Variants in RIPOR3 observed in about 807,000 individuals in gnomAD.
RIPOR3 encodes family with sequence similarity 65 member C.
Under a neutral mutation model 114.3 loss-of-function variants are expected in RIPOR3, and 95 were observed. The observed-to-expected ratio is 0.83, with a 90% CI of 0.70 to 0.99. RIPOR3 has a LOEUF of 0.99. Among genes scored for constraint, RIPOR3 ranks in the 50% least tolerant of loss-of-function variants. RIPOR3 has a pLI of 0.00. For missense variants in RIPOR3, 1,252 were observed against 1,266.9 expected, an observed-to-expected ratio of 0.99 and a Z score of 0.18; for synonymous variants, 575 against 543.8, an observed-to-expected ratio of 1.06 and a Z score of -0.80.
Position 50,604,767 on chromosome 20 carries a change from C to T in RIPOR3, c.964G>A (p.Asp322Asn). ...GGTGACACCAGGAAGCTCTCAGTAT[C>T]AAACGGGCTGGAGGAGAGAACAGAA... ...LQLEVQWNPF[D>N]TESFLVSPSP... The change falls in exon 12 of 22, where the codon GAT becomes AAT. Residue 322 changes from aspartate to asparagine, a missense_variant. Coordinates refer to ENST00000327979, the MANE Select transcript of RIPOR3 (RefSeq NM_001290268.2). 10 of 1,608,252 alleles carry T rather than the reference C, an allele frequency of 6.2e-6. No individual in the cohort carries two copies. Among genetic ancestry groups the T allele is most frequent in the Non-Finnish European group, 8.5e-6 (10 of 1,178,004 alleles).
chr20:50,618,427 C>T (rs1350505131), intron 3 of RIPOR3, among the ~76,000 whole-genome samples: 1 of 152,194 alleles, frequency 6.6e-6, no homozygotes, highest in Non-Finnish European at 1.5e-5. Flanking sequence ...ACCTCATCCT[C>T]TTTCCTTTGG....
At chr20:50,639,283 C>G (rs1337782050) in intron 1 of RIPOR3, among the ~76,000 whole-genome samples, 2 of 151,996 alleles carry the variant, frequency 1.3e-5, no homozygotes, top group Non-Finnish European at 2.9e-5. Flanking sequence ...CCAGTGGTAC[C>G]CAACACGGCT....
chr20:50,691,070 CT>C, intron 1 of RIPOR3, 55 bp downstream of exon 1: 1 of 1,289,546 alleles, frequency 7.8e-7, no homozygotes, highest in Non-Finnish European at 1.0e-6. Context: ...CTCCAGAAGT[CT>C]GTCCACACAA....
rs1349055492 is a variant in RIPOR3, at chr20:50,610,918, A to G, written c.373-12T>C. 1.2e-6 allele frequency: 2 copies of G among 1,614,174 alleles called. No individual in the cohort carries two copies. The highest frequency in any genetic ancestry group is 1.7e-6 in the Non-Finnish European group (2 of 1,180,026). ...ACACAGCGCGTTTGCTTCTCCCGGAAAAAGGGAAGATGTTTGCAAAGTTGC... is the reference window on the plus strand; with the variant it reads ...ACACAGCGCGTTTGCTTCTCCCGGAGAAAGGGAAGATGTTTGCAAAGTTGC... On this transcript the variant is annotated splice_polypyrimidine_tract_variant and intron_variant, in intron 5 of 21. Transcript: ENST00000327979.
In RIPOR3 at chr20:50,657,422, G is replaced by A. The variant is rs570847608; in HGVS notation, c.4-26566C>T. 2.7e-3 allele frequency among the ~76,000 whole-genome samples: 405 copies of A among 152,276 alleles called. 6 individuals are homozygous for A. Among genetic ancestry groups the A allele is most frequent in the African/African-American group, 9.4e-3 (389 of 41,544 alleles). On this transcript the variant is annotated intron_variant, in intron 1 of 21. Transcript: ENST00000327979. ...TGTGCCTGTAATCCCAGCTACTTGG[G>A]AGGCTGAGGCAGGAGAATTGCTTGA...
At chr20:50,629,048 G>A (rs913953971) in intron 2 of RIPOR3, among the ~76,000 whole-genome samples, 2 of 152,172 alleles carry the variant, frequency 1.3e-5, no homozygotes, top group African/African-American at 2.4e-5. Context: ...GTGATTCAAC[G>A]GGAACTGGAG....
intron 16 of RIPOR3, 187 bp from the exon 17 acceptor site, chr20:50,594,901 G>C (rs1361102364): frequency 1.7e-6 from 1 of 593,128 alleles, no homozygotes; most frequent in Non-Finnish European, 2.9e-6. Flanking sequence ...TCTTACCAGG[G>C]CCACCACCTG....
chr20:50,667,590 C>T (rs1212221404), intron 1 of RIPOR3, among the ~76,000 whole-genome samples: 1 of 152,228 alleles, frequency 6.6e-6, no homozygotes, highest in African/African-American at 2.4e-5. Context: ...CCGCGCCCGG[C>T]CGCTGCTTTA....
intron 13 of RIPOR3, among the ~76,000 whole-genome samples, chr20:50,599,906 T>G (rs1177830802): frequency 2.0e-5 from 3 of 151,888 alleles, no homozygotes; most frequent in African/African-American, 7.3e-5. Context: ...ACACACACTT[T>G]TTTTTCTTTT....
intron 1 of RIPOR3, among the ~76,000 whole-genome samples, chr20:50,648,277 T>TA (rs914876199): frequency 1.4e-5 from 2 of 147,394 alleles, no homozygotes; most frequent in East Asian, 2.0e-4. Context: ...ACTCCATCTC[T>TA]AAAAAAAAGA....
intron 1 of RIPOR3, among the ~76,000 whole-genome samples, chr20:50,687,029 T>G (rs1392330917): frequency 6.6e-6 from 1 of 152,240 alleles, no homozygotes; most frequent in African/African-American, 2.4e-5. Flanking sequence ...CCTATAGGTT[T>G]GGCTTAGCCG....
At chr20:50,608,251 G>A (rs754670130) in intron 11 of RIPOR3, 138 bp downstream of exon 11, 33 of 1,210,396 alleles carry the variant, frequency 2.7e-5, no homozygotes, top group Non-Finnish European at 3.7e-5. Flanking sequence ...AGGGGTGGGA[G>A]TGAGGGACAG....
chr20:50,588,377 T>TA (rs1450046732), intron 20 of RIPOR3, among the ~76,000 whole-genome samples: 2 of 152,232 alleles, frequency 1.3e-5, no homozygotes, highest in Non-Finnish European at 2.9e-5. Flanking sequence ...CTTCTCCTCT[T>TA]AGAATTTCCT....
At chr20:50,690,541 C>T (rs2087176300) in intron 1 of RIPOR3, among the ~76,000 whole-genome samples, 1 of 152,190 alleles carries the variant, frequency 6.6e-6, no homozygotes, top group Non-Finnish European at 1.5e-5. Flanking sequence ...CCATCCATAC[C>T]TCCTTCTCCT....
chr20:50,657,760 T>C (rs1173680760), intron 1 of RIPOR3, among the ~76,000 whole-genome samples: 1 of 148,094 alleles, frequency 6.8e-6, no homozygotes, highest in Non-Finnish European at 1.5e-5. Flanking sequence ...TTTTTTTTTT[T>C]TTTTTTTTTT....
At chr20:50,595,216 G>A in intron 16 of RIPOR3, 153 bp downstream of exon 16, 1 of 956,530 alleles carries the variant, frequency 1.0e-6, no homozygotes, top group African/African-American at 1.6e-5. Flanking sequence ...TCCCCACAAA[G>A]AGTGTGTATC....
At chr20:50,628,431 C>G (rs1021948562) in intron 2 of RIPOR3, among the ~76,000 whole-genome samples, 1 of 152,128 alleles carries the variant, frequency 6.6e-6, no homozygotes, top group African/African-American at 2.4e-5. Context: ...TGCTTTCTGT[C>G]CCTTAAAGCT....
At chr20:50,652,590 C>CAAAAAAAAAAAAAAAAAAAA (rs11470456) in intron 1 of RIPOR3, among the ~76,000 whole-genome samples, 2 of 87,322 alleles carry the variant, frequency 2.3e-5, no homozygotes, top group African/African-American at 8.4e-5. Context: ...GATTCTGTCT[C>CAAAAAAAAAAAAAAAAAAAA]AAAAAAAAAA....
In RIPOR3 at chr20:50,666,183, A is replaced by ATTTCTTTTCTTTTCTTTTCTTTCT. The variant is rs2086191723; in HGVS notation, c.3+24942_3+24943insAGAAAGAAAAGAAAAGAAAAGAAA. 1.1e-4 allele frequency among the ~76,000 whole-genome samples: 5 copies of ATTTCTTTTCTTTTCTTTTCTTTCT among 43,766 alleles called. 1 individual carries two copies. The highest frequency in any genetic ancestry group is 2.7e-4 in the African/African-American group (5 of 18,702). The allele number at this position is 43,766 out of a possible 152,430, so 28.7% of individuals were successfully genotyped here. Reference sequence around the variant, plus strand: ...CCTAGAATACAGAGAAAGGACACCCATTTCTTTTCTTTTCTTTTCTTTTCT... The same window carrying ATTTCTTTTCTTTTCTTTTCTTTCT: ...CCTAGAATACAGAGAAAGGACACCCATTTCTTTTCTTTTCTTTTCTTTCTTTTCTTTTCTTTTCTTTTCTTTTCT... On this transcript the variant is annotated intron_variant, in intron 1 of 21. Transcript: ENST00000327979.
Sources: gnomAD v4.1 joint callset for allele counts (sites outside exome capture counted in the v4.1 genomes callset) on GRCh38, gnomAD v4.1.1 for gene constraint, MANE v1.5 for transcripts, NCBI Gene and HGNC (gene_info 2026-07-23, HGNC 2026-07-21) for gene names.